The following PLCE1 variants were observed in gnomAD, a reference collection of about 807,000 sequenced individuals.
The protein encoded by PLCE1 is phospholipase C epsilon 1, also known as 1-phosphatidylinositol 4,5-bisphosphate phosphodiesterase epsilon-1.
PLCE1 carries 119 observed loss-of-function variants against 242.8 expected under a neutral mutation model. That is an observed-to-expected ratio of 0.49 (90% CI 0.42 to 0.57). PLCE1 has a LOEUF of 0.57. PLCE1 is among the 20% of genes least tolerant of loss of function. PLCE1 has a pLI of 0.00. For missense variants in PLCE1, 2,441 were observed against 2,788.8 expected (o/e 0.88, Z 2.81); for synonymous variants, 945 against 1,017.4 (o/e 0.93, Z 1.35).
rs560712395 is a variant in PLCE1, at chr10:94,270,523, A to C, written c.4427A>C (p.Asn1476Thr). The C allele has an allele frequency of 6.2e-7, 1 of 1,613,894 alleles. No homozygotes were observed. Among genetic ancestry groups the C allele is most frequent in the Non-Finnish European group, 8.5e-7 (1 of 1,179,856 alleles). ...GCCATTGATCGCAGTGCCTTCATCA[A>C]CTCTGACCTGCCAATCATCATATCG... is the stretch of plus-strand genomic sequence containing the variant. ...VEAIDRSAFI[N>T]SDLPIIISIE... Residue 1476 changes from asparagine (N) to threonine (T), a missense_variant, in exon 18 of 33, where the codon AAC (asparagine) becomes ACC (threonine). Asn to Thr is a moderately conservative substitution (Grantham distance 65). Coordinates refer to ENST00000371380, the MANE Select transcript of PLCE1 (RefSeq NM_016341.4).
chr10:94,265,498 C>G lies in PLCE1; in HGVS notation c.4054-149C>G. On this transcript the variant is annotated intron_variant, in intron 14 of 32. Transcript: ENST00000371380. ...TTTTCTTTTGGACTAAAAACTACTT[C>G]TTACCACTACGTTACTAAATTAGTT... The G allele has an allele frequency of 1.0e-5, 7 of 703,430 alleles. No individual in the cohort carries two copies. In the South Asian group the frequency reaches 1.2e-4, roughly 12 times the overall value. The allele number at this position is 703,430 out of a possible 1,614,324, so 43.6% of individuals were successfully genotyped here.
At chr10:94,158,859 T>TTTTC (rs1305114297) in intron 3 of PLCE1, among the ~76,000 whole-genome samples, 1 of 144,116 alleles carries the variant, frequency 6.9e-6, no homozygotes, top group East Asian at 2.0e-4. Flanking sequence ...TTTTTCTTTT[T>TTTTC]TTTTTTTTTT....
chr10:94,322,383 G>A (rs192668164), intron 30 of PLCE1, among the ~76,000 whole-genome samples: 2 of 152,122 alleles, frequency 1.3e-5, no homozygotes, highest in Admixed American at 1.3e-4. Flanking sequence ...CAACCCAGTG[G>A]CTCACACCTG....
rs543189116 is a variant in PLCE1, at chr10:94,075,348, A to G, written c.1206+43096A>G. ...TCCTTTCCAAATGATTGACATCAATAAGACATTGAAAAAATATTGGGCTAG... is the reference window on the plus strand; with the variant it reads ...TCCTTTCCAAATGATTGACATCAATGAGACATTGAAAAAATATTGGGCTAG... On this transcript the variant is annotated intron_variant, in intron 2 of 32. Transcript: ENST00000371380. Among the ~76,000 whole-genome samples, 12 of 152,378 alleles carry G rather than the reference A, an allele frequency of 7.9e-5. No homozygotes were observed. The South Asian group carries it at 1.9e-3, about 24-fold the overall frequency.
At chr10:94,305,854 G>A (rs868537395) in intron 25 of PLCE1, among the ~76,000 whole-genome samples, 5 of 152,198 alleles carry the variant, frequency 3.3e-5, no homozygotes, top group African/African-American at 9.6e-5. Context: ...ACTTCATCTT[G>A]TTTGGTTTTT....
At chr10:94,301,806 A>T (rs766257222) in intron 24 of PLCE1, among the ~76,000 whole-genome samples, 1 of 152,208 alleles carries the variant, frequency 6.6e-6, no homozygotes, top group Non-Finnish European at 1.5e-5. Context: ...GCAGAACAAT[A>T]CCGCCTCACA....
rs777360100 is a variant in PLCE1 at position 94,328,924 on chromosome 10, TAAC to T, written c.*984_*986del. The T allele has an allele frequency of 2.6e-5, 4 of 152,208 alleles. No individual in the cohort carries two copies. Among genetic ancestry groups the T allele is most frequent in the Non-Finnish European group, 4.4e-5 (3 of 68,028 alleles). The allele number at this position is 152,208 out of a possible 1,614,324, so 9.4% of individuals were successfully genotyped here. ...TAATATCTACTGAATTGCAATGTCT[TAAC>T]AAGAAACCTAACAATTTTTTAAAGC... is the stretch of plus-strand genomic sequence containing the variant. On this transcript the variant is annotated 3_prime_UTR_variant, in exon 33 of 33. Coordinates refer to ENST00000371380, the MANE Select transcript of PLCE1 (RefSeq NM_016341.4).
At chr10:94,177,906 C>T (rs936768565) in intron 4 of PLCE1, among the ~76,000 whole-genome samples, 1 of 152,216 alleles carries the variant, frequency 6.6e-6, no homozygotes, top group African/African-American at 2.4e-5. Flanking sequence ...TACCTCTCCC[C>T]TCTTTCCTGA....
chr10:94,143,698 C>T (rs1223634), intron 3 of PLCE1, among the ~76,000 whole-genome samples: 42,815 of 151,980 alleles, frequency 0.28, 7,441 homozygotes, highest in Non-Finnish European at 0.4. Flanking sequence ...ATATTTTTAA[C>T]GGTGTTTAGA....
intron 2 of PLCE1, among the ~76,000 whole-genome samples, chr10:94,050,630 G>A (rs1020810570): frequency 3.3e-5 from 5 of 151,908 alleles, no homozygotes; most frequent in African/African-American, 9.7e-5. Flanking sequence ...CTCTGTCAGG[G>A]CATCTAACCT....
At chr10:94,166,668 C>A (rs1443155717) in intron 3 of PLCE1, among the ~76,000 whole-genome samples, 1 of 151,540 alleles carries the variant, frequency 6.6e-6, no homozygotes, top group African/African-American at 2.4e-5. Flanking sequence ...TAACAGAGGG[C>A]AGATTTTTGG....
At chr10:94,283,003 G>T (rs182496354) in intron 20 of PLCE1, among the ~76,000 whole-genome samples, 28 of 152,180 alleles carry the variant, frequency 1.8e-4, no homozygotes, top group African/African-American at 6.0e-4. Flanking sequence ...TTGGTATAAG[G>T]TCCTTTTGGT....
chr10:94,001,355 C>T (rs1433510864), intron 1 of PLCE1, among the ~76,000 whole-genome samples: 3 of 152,120 alleles, frequency 2.0e-5, no homozygotes, highest in Admixed American at 2.0e-4. Context: ...GAAAGGTCTC[C>T]TTTAGAGGGG....
chr10:94,094,209 G>A (rs1018435026), intron 2 of PLCE1, among the ~76,000 whole-genome samples: 17 of 151,898 alleles, frequency 1.1e-4, no homozygotes, highest in African/African-American at 3.9e-4. Flanking sequence ...CCAAAGTGCT[G>A]GGATTACAGG....
At chr10:94,293,419 A>G in intron 22 of PLCE1, 89 bp from the exon 23 acceptor site, 1 of 1,404,408 alleles carries the variant, frequency 7.1e-7, no homozygotes, top group Admixed American at 1.7e-5. Context: ...GAGTAGTAGG[A>G]CTTCAAAATA....
Position 94,309,713 on chromosome 10 carries a change from C to T in PLCE1, c.6003+1014C>T, listed in dbSNP as rs533841609. On this transcript the variant is annotated intron_variant, in intron 27 of 32. Coordinates refer to ENST00000371380, the MANE Select transcript of PLCE1 (RefSeq NM_016341.4). ...GTTTGAGGACACTTGGACCATGGCC[C>T]CCTCACTAATGCAGGATGGTTTAAT... Among the ~76,000 whole-genome samples, 24 of 152,272 alleles carry T rather than the reference C, an allele frequency of 1.6e-4. No homozygotes were observed. In the South Asian group the frequency reaches 4.8e-3, roughly 30 times the overall value.
chr10:94,295,953 C>T (rs1490922608), intron 23 of PLCE1, among the ~76,000 whole-genome samples: 2 of 152,216 alleles, frequency 1.3e-5, no homozygotes, highest in African/African-American at 4.8e-5. Flanking sequence ...GCTGCATTAG[C>T]CCCTAACAAG....
intron 2 of PLCE1, among the ~76,000 whole-genome samples, chr10:94,060,453 A>G (rs1405473572): frequency 6.6e-6 from 1 of 152,174 alleles, no homozygotes; most frequent in Non-Finnish European, 1.5e-5. Flanking sequence ...AGAGTATGGG[A>G]AACAAGATTA....
At chr10:94,014,447 A>AG (rs2061237504) in intron 1 of PLCE1, among the ~76,000 whole-genome samples, 1 of 151,554 alleles carries the variant, frequency 6.6e-6, no homozygotes, top group African/African-American at 2.4e-5. Flanking sequence ...TTAAAAAAAA[A>AG]AAAAAAAATT....
Sources: allele counts gnomAD v4.1 joint callset (sites outside exome capture counted in the v4.1 genomes callset), GRCh38; gene constraint gnomAD v4.1.1; transcripts MANE v1.5; gene names NCBI Gene and HGNC (gene_info 2026-07-23, HGNC 2026-07-21).